Variants in ADAMTS12 observed in about 807,000 individuals in gnomAD.
The protein encoded by ADAMTS12 is ADAM metallopeptidase with thrombospondin type 1 motif 12, also known as A disintegrin and metalloproteinase with thrombospondin motifs 12.
A neutral mutation model predicts 167.8 loss-of-function variants in ADAMTS12; 118 were observed. The observed-to-expected ratio is 0.70, with a 90% CI of 0.61 to 0.82. The LOEUF is 0.82. Among genes scored for constraint, ADAMTS12 ranks in the 40% least tolerant of loss-of-function variants. ADAMTS12 has a pLI of 0.00. For synonymous variants in ADAMTS12, 704 were observed against 716.9 expected (o/e 0.98, Z 0.29); for missense variants, 1,916 against 1,998.8 (o/e 0.96, Z 0.79).
chr5:33,595,078 T>C (rs1293836503), intron 17 of ADAMTS12, among the ~76,000 whole-genome samples: 1 of 152,172 alleles, frequency 6.6e-6, no homozygotes, highest in Non-Finnish European at 1.5e-5. Context: ...CAATATTCCT[T>C]CCTTTCTTCC....
In ADAMTS12 at chr5:33,561,040, C is replaced by T; in HGVS notation, c.4112G>A (p.Gly1371Glu). The change falls in exon 20 of 24, where the codon GGA (glycine) becomes GAA (glutamate). Residue 1371 changes from glycine to glutamate, a missense_variant. Transcript: ENST00000504830. ...HLRPCAGWKVGNWSKCSRNCS... is the reference protein window; with the variant it reads ...HLRPCAGWKVENWSKCSRNCS... ...CTGATAAGTTACCTTGCTCCAGTTTCCCACTTTCCAGCCAGCACAGGGACG... is the reference window on the plus strand; with the variant it reads ...CTGATAAGTTACCTTGCTCCAGTTTTCCACTTTCCAGCCAGCACAGGGACG... The T allele has an allele frequency of 1.2e-6, 2 of 1,614,140 alleles. No individual in the cohort carries two copies. The highest frequency in any genetic ancestry group is 1.7e-6 in the Non-Finnish European group (2 of 1,180,000).
At chr5:33,818,759 C>A (rs1276705616) in intron 2 of ADAMTS12, among the ~76,000 whole-genome samples, 2 of 152,072 alleles carry the variant, frequency 1.3e-5, no homozygotes, top group Admixed American at 1.3e-4. Context: ...TATCTCTTGT[C>A]TTTTTGGTAA....
At chr5:33,569,835 T>A (rs564353727) in intron 19 of ADAMTS12, among the ~76,000 whole-genome samples, 1 of 152,092 alleles carries the variant, frequency 6.6e-6, no homozygotes, top group Non-Finnish European at 1.5e-5. Flanking sequence ...GGCAAAGAAG[T>A]TGAAAACTTT....
At chr5:33,633,731 G>T (rs939015772) in intron 12 of ADAMTS12, among the ~76,000 whole-genome samples, 1 of 152,080 alleles carries the variant, frequency 6.6e-6, no homozygotes, top group East Asian at 1.9e-4. Context: ...GGTGGTAATG[G>T]ATGGTCTTAA....
intron 2 of ADAMTS12, among the ~76,000 whole-genome samples, chr5:33,832,087 G>C (rs1748321226): frequency 6.6e-6 from 1 of 152,308 alleles, no homozygotes; most frequent in Non-Finnish European, 1.5e-5. Context: ...CACCAAGACT[G>C]TCGTTCATGA....
chr5:33,561,033 C>T lies in ADAMTS12; in HGVS notation c.4119G>A (p.Trp1373Ter). Residue 1373 changes from tryptophan to a stop codon, truncating the protein, a stop_gained, in exon 20 of 24, where the codon TGG becomes TGA. Coordinates refer to ENST00000504830, the MANE Select transcript of ADAMTS12 (RefSeq NM_030955.4). LOFTEE classifies it high-confidence loss of function. Reference sequence around the variant, plus strand: ...GCCAAGCCTGATAAGTTACCTTGCTCCAGTTTCCCACTTTCCAGCCAGCAC... The same window carrying T: ...GCCAAGCCTGATAAGTTACCTTGCTTCAGTTTCCCACTTTCCAGCCAGCAC... ...RPCAGWKVGNWSKCSRNCSGG... is the reference protein window; with the variant it reads ...RPCAGWKVGN 6.2e-7 allele frequency: 1 copy of T among 1,614,118 alleles called. No individual in the cohort carries two copies. The highest frequency in any genetic ancestry group is 8.5e-7 in the Non-Finnish European group (1 of 1,179,998).
intron 2 of ADAMTS12, among the ~76,000 whole-genome samples, chr5:33,867,656 T>C (rs889577842): frequency 6.6e-6 from 1 of 152,066 alleles, no homozygotes; most frequent in Non-Finnish European, 1.5e-5. Flanking sequence ...CACACACATA[T>C]ATAAAAAGTT....
At chr5:33,581,299 A>G (rs962175072) in intron 18 of ADAMTS12, among the ~76,000 whole-genome samples, 1 of 152,198 alleles carries the variant, frequency 6.6e-6, no homozygotes, top group Non-Finnish European at 1.5e-5. Context: ...TGAACCCTGG[A>G]CCAGGAAAGC....
Position 33,549,382 on chromosome 5 carries a change from C to T in ADAMTS12, c.4127G>A (p.Cys1376Tyr). The part of the protein sequence containing the change: ...AGWKVGNWSK[C>Y]SRNCSGGFKI... ...GAAGCCCCCACTGCAGTTTCTGGAG[C>T]ACTGTATGGAGAGAAAAATCAAAGG... The change falls in exon 21 of 24, where the codon TGC (cysteine) becomes TAC (tyrosine). Residue 1376 changes from cysteine to tyrosine, a missense_variant and splice_region_variant. Transcript: ENST00000504830. 1 of 1,611,944 alleles carries T rather than the reference C, an allele frequency of 6.2e-7. No homozygotes were observed. Among genetic ancestry groups the T allele is most frequent in the Non-Finnish European group, 8.5e-7 (1 of 1,178,222 alleles).
Position 33,588,659 on chromosome 5 carries a change from G to A in ADAMTS12, c.2805C>T (p.Leu935=). ...DCQHLLKPKT[L]LSCNRDILCP... The stretch of plus-strand genomic sequence containing the variant: ...ACAGGATGTCTCTGTTGCAGGAAAG[G>A]AGGGTCTTGGGCTTCAGCAGGTGCT... The change falls in exon 18 of 24, where the codon CTC becomes CTT. Residue 935 remains leucine (L), a synonymous_variant. Coordinates refer to ENST00000504830, the MANE Select transcript of ADAMTS12 (RefSeq NM_030955.4). 1 of 1,614,174 alleles carries A rather than the reference G, an allele frequency of 6.2e-7. No individual in the cohort carries two copies. Among genetic ancestry groups the A allele is most frequent in the Non-Finnish European group, 8.5e-7 (1 of 1,180,026 alleles).
At chr5:33,594,308 T>G (rs570647728) in intron 17 of ADAMTS12, among the ~76,000 whole-genome samples, 1 of 152,342 alleles carries the variant, frequency 6.6e-6, no homozygotes, top group East Asian at 1.9e-4. Flanking sequence ...CCTAACCACA[T>G]GTAACTGTGA....
chr5:33,880,474 A>G (rs972325831), intron 2 of ADAMTS12, among the ~76,000 whole-genome samples: 4 of 152,246 alleles, frequency 2.6e-5, no homozygotes, highest in Non-Finnish European at 5.9e-5. Flanking sequence ...ACAGCCATAG[A>G]CAATCTGTAA....
intron 18 of ADAMTS12, among the ~76,000 whole-genome samples, chr5:33,582,118 C>A (rs114797608): frequency 1.3e-5 from 2 of 152,002 alleles, no homozygotes; most frequent in African/African-American, 2.4e-5. Flanking sequence ...GGGCAGCCCT[C>A]GGGAGCTAAG....
At chr5:33,743,345 G>A (rs969633746) in intron 3 of ADAMTS12, among the ~76,000 whole-genome samples, 12 of 152,206 alleles carry the variant, frequency 7.9e-5, no homozygotes, top group Non-Finnish European at 1.5e-4. Flanking sequence ...TAGTGGACTG[G>A]ATGAGAATTT....
chr5:33,882,239 C>A (rs562661980), intron 1 of ADAMTS12, among the ~76,000 whole-genome samples: 1 of 152,108 alleles, frequency 6.6e-6, no homozygotes, highest in South Asian at 2.1e-4. Flanking sequence ...ATCATATGCA[C>A]GCTGACAAAC....
At chr5:33,732,692 A>G (rs1744236524) in intron 3 of ADAMTS12, among the ~76,000 whole-genome samples, 1 of 152,230 alleles carries the variant, frequency 6.6e-6, no homozygotes, top group African/African-American at 2.4e-5. Context: ...TGCTTTGGAA[A>G]TATAAATTAG....
intron 2 of ADAMTS12, among the ~76,000 whole-genome samples, chr5:33,867,625 C>T (rs1276440703): frequency 1.3e-5 from 2 of 152,070 alleles, no homozygotes; most frequent in Non-Finnish European, 2.9e-5. Flanking sequence ...AAAATACACA[C>T]ACACACACAG....
chr5:33,610,098 T>C lies in ADAMTS12; in HGVS notation c.2527+4140A>G, dbSNP rs538806033. Among the ~76,000 whole-genome samples the C allele has an allele frequency of 7.9e-5, 12 of 152,298 alleles. 1 individual carries two copies. In the South Asian group the frequency reaches 2.5e-3, roughly 32 times the overall value. On this transcript the variant is annotated intron_variant, in intron 16 of 23. Coordinates refer to ENST00000504830, the MANE Select transcript of ADAMTS12 (RefSeq NM_030955.4). ...GGAGGCTGAGACAAGAGAGAATCACTTGAACCTGGGAGGTGGAGGTTGCGG... is the reference window on the plus strand; with the variant it reads ...GGAGGCTGAGACAAGAGAGAATCACCTGAACCTGGGAGGTGGAGGTTGCGG...
intron 5 of ADAMTS12, among the ~76,000 whole-genome samples, chr5:33,673,762 C>T (rs1304982110): frequency 6.6e-6 from 1 of 152,160 alleles, no homozygotes; most frequent in African/African-American, 2.4e-5. Context: ...GCTTTAGCAA[C>T]AACTGCTTGT....
Sources: allele counts gnomAD v4.1 joint callset (sites outside exome capture counted in the v4.1 genomes callset), GRCh38; gene constraint gnomAD v4.1.1; transcripts MANE v1.5; gene names NCBI Gene and HGNC (gene_info 2026-07-23, HGNC 2026-07-21).